The following FIG4 variants were observed in gnomAD, a reference collection of about 807,000 sequenced individuals.
The protein encoded by FIG4 is polyphosphoinositide phosphatase.
A neutral mutation model predicts 118.6 loss-of-function variants in FIG4; 112 were observed. The observed-to-expected ratio is 0.94, with a 90% CI of 0.81 to 1.11. FIG4 has a LOEUF of 1.11. FIG4 is among the 50% of genes least tolerant of loss of function. The pLI is 0.00. For synonymous variants in FIG4, 369 were observed against 381.2 expected, an observed-to-expected ratio of 0.97 and a Z score of 0.37; for missense variants, 969 against 1,111.7, an observed-to-expected ratio of 0.87 and a Z score of 1.83.
chr6:109,766,164 C>T (rs1337320843), intron 14 of FIG4, among the ~76,000 whole-genome samples: 1 of 152,146 alleles, frequency 6.6e-6, no homozygotes, highest in Non-Finnish European at 1.5e-5. Context: ...AGCTAGCTAG[C>T]CCCTTCCATC....
chr6:109,796,695 T>C (rs1275604202), intron 21 of FIG4, 70 bp from the exon 22 acceptor site: 2 of 893,520 alleles, frequency 2.2e-6, no homozygotes, highest in Admixed American at 3.4e-5. Context: ...TTACACCATT[T>C]TGTGTGATCT....
chr6:109,823,630 G>A (rs1169757018), intron 22 of FIG4, among the ~76,000 whole-genome samples: 1 of 152,102 alleles, frequency 6.6e-6, no homozygotes, highest in Non-Finnish European at 1.5e-5. Context: ...CCAGTGAAAT[G>A]TTGATATTTC....
chr6:109,796,957 G>T, intron 22 of FIG4, 106 bp downstream of exon 22: 1 of 744,594 alleles, frequency 1.3e-6, no homozygotes, highest in Admixed American at 2.0e-5. Flanking sequence ...CACCAAATTA[G>T]TATAAGCACC....
At chr6:109,712,575 T>C (rs1161330012) in intron 1 of FIG4, among the ~76,000 whole-genome samples, 1 of 152,252 alleles carries the variant, frequency 6.6e-6, no homozygotes, top group Non-Finnish European at 1.5e-5. Flanking sequence ...TCTTGTAGTA[T>C]GTTTTTCAGT....
chr6:109,791,716 T>G (rs1778144284), intron 20 of FIG4, 145 bp downstream of exon 20: 1 of 729,312 alleles, frequency 1.4e-6, no homozygotes, highest in Admixed American at 2.1e-5. Context: ...GATGAATACA[T>G]TTAGCATTTA....
At chr6:109,728,287 AG>A (rs1264427428) in intron 4 of FIG4, among the ~76,000 whole-genome samples, 1 of 152,218 alleles carries the variant, frequency 6.6e-6, no homozygotes, top group Non-Finnish European at 1.5e-5. Context: ...ATTCAGAAGA[AG>A]GGCATAGTGG....
chr6:109,747,469 C>T (rs563006377), intron 10 of FIG4, among the ~76,000 whole-genome samples: 8 of 152,158 alleles, frequency 5.3e-5, no homozygotes, highest in African/African-American at 1.9e-4. Flanking sequence ...TGATCAACAG[C>T]ATCAAATGCT....
rs931227606 is a variant in FIG4, at chr6:109,779,140, T to G, written c.1889+2080T>G. 2.0e-5 allele frequency among the ~76,000 whole-genome samples: 3 copies of G among 152,250 alleles called. No homozygotes were observed. In the East Asian group the frequency reaches 5.8e-4, roughly 29 times the overall value. Reference sequence around the variant, plus strand: ...ACAAAAAATTTGAAACTTTATTTGTTGAGAGATGGGTATAAATACCTATAT... The same window carrying G: ...ACAAAAAATTTGAAACTTTATTTGTGGAGAGATGGGTATAAATACCTATAT... On this transcript the variant is annotated intron_variant, in intron 16 of 22. Coordinates refer to ENST00000230124, the MANE Select transcript of FIG4 (RefSeq NM_014845.6).
At chr6:109,815,861 A>T (rs868132244) in intron 22 of FIG4, among the ~76,000 whole-genome samples, 1 of 151,562 alleles carries the variant, frequency 6.6e-6, no homozygotes, top group Non-Finnish European at 1.5e-5. Flanking sequence ...TGTTTAGATT[A>T]TGGGGGGGGG....
intron 3 of FIG4, among the ~76,000 whole-genome samples, chr6:109,722,735 AG>A (rs34607555): frequency 0.34 from 51,229 of 151,908 alleles, 9,255 homozygotes; most frequent in South Asian, 0.45. Context: ...TGAGCTGGGC[AG>A]GGATGGGACC....
intron 6 of FIG4, 89 bp downstream of exon 6, chr6:109,735,387 G>T (rs1328389669): frequency 3.9e-6 from 5 of 1,271,840 alleles, no homozygotes; most frequent in Non-Finnish European, 4.6e-6. Flanking sequence ...CCTCATATTT[G>T]TCCATCCCTC....
chr6:109,699,258 G>T (rs1774828343), intron 1 of FIG4, among the ~76,000 whole-genome samples: 1 of 152,104 alleles, frequency 6.6e-6, no homozygotes, highest in South Asian at 2.1e-4. Flanking sequence ...TTGGCATTAA[G>T]TTGCCCATAA....
In FIG4 at chr6:109,733,710, G is replaced by T. The variant is rs549591564; in HGVS notation, c.497+1023G>T. Among the ~76,000 whole-genome samples the T allele has an allele frequency of 9.9e-5, 15 of 151,976 alleles. 1 individual carries two copies. In the South Asian group the frequency reaches 3.1e-3, roughly 32 times the overall value. ...AGAAATAGTTTTTACTTCCACACAC[G>T]TTTATTGAATGTATATTTTCATTGT... On this transcript the variant is annotated intron_variant, in intron 5 of 22. Coordinates refer to ENST00000230124, the MANE Select transcript of FIG4 (RefSeq NM_014845.6).
chr6:109,818,752 C>T (rs1562700800), intron 22 of FIG4, among the ~76,000 whole-genome samples: 2 of 152,214 alleles, frequency 1.3e-5, no homozygotes. Flanking sequence ...CTCAAGAGCA[C>T]ATCACCTGTG....
At chr6:109,810,609 G>C (rs563055032) in intron 22 of FIG4, among the ~76,000 whole-genome samples, 3 of 152,288 alleles carry the variant, frequency 2.0e-5, no homozygotes, top group South Asian at 2.1e-4. Flanking sequence ...TCTTCCTCCT[G>C]TGCTGCATAC....
chr6:109,825,065 C>T (rs369152960), intron 22 of FIG4, 23 bp from the exon 23 acceptor site: 290 of 1,608,982 alleles, frequency 1.8e-4, no homozygotes, highest in Admixed American at 9.0e-4. Flanking sequence ...TAATGCAGCC[C>T]TCTCTTTATT....
In FIG4 at chr6:109,825,284, T is replaced by C. The variant is rs776947872; in HGVS notation, c.*19T>C. On this transcript the variant is annotated 3_prime_UTR_variant, in exon 23 of 23. Coordinates refer to ENST00000230124, the MANE Select transcript of FIG4 (RefSeq NM_014845.6). ...CCTGTGAAAAGAGCGCAGGTCCACC[T>C]GGTGGACACGTCTGATTAGCTTAGA... is the stretch of plus-strand genomic sequence containing the variant. The C allele has an allele frequency of 6.2e-7, 1 of 1,609,198 alleles. No homozygotes were observed. Among genetic ancestry groups the C allele is most frequent in the Non-Finnish European group, 8.5e-7 (1 of 1,175,664 alleles).
intron 22 of FIG4, among the ~76,000 whole-genome samples, chr6:109,823,947 C>T (rs949102074): frequency 3.3e-5 from 5 of 152,186 alleles, no homozygotes; most frequent in Non-Finnish European, 5.9e-5. Flanking sequence ...AGCTTACCAT[C>T]GTCCCCTTTT....
chr6:109,735,342 A>G (rs1285961568), intron 6 of FIG4, 44 bp downstream of exon 6: 1 of 1,523,064 alleles, frequency 6.6e-7, no homozygotes, highest in African/African-American at 1.4e-5. Context: ...TGTGGTATCC[A>G]TGAAGTGATA....
Sources: gnomAD v4.1 joint callset for allele counts (sites outside exome capture counted in the v4.1 genomes callset) on GRCh38, gnomAD v4.1.1 for gene constraint, MANE v1.5 for transcripts, NCBI Gene and HGNC (gene_info 2026-07-23, HGNC 2026-07-21) for gene names.